PALD1: variants seen among roughly 807,000 people sequenced by gnomAD.
PALD1 encodes phosphatase domain containing paladin 1, also known as paladin.
A neutral mutation model predicts 96.0 loss-of-function variants in PALD1; 57 were observed. The observed-to-expected ratio is 0.59, with a 90% CI of 0.48 to 0.74. The LOEUF is 0.74. Among genes scored for constraint, PALD1 ranks in the 30% least tolerant of loss-of-function variants. PALD1 has a pLI of 0.00. For synonymous variants in PALD1, 464 were observed against 473.6 expected (o/e 0.98, Z 0.26); for missense variants, 1,063 against 1,143.7 (o/e 0.93, Z 1.02).
Position 70,566,830 on chromosome 10 carries a change from C to T in PALD1, c.*97C>T, listed in dbSNP as rs1847866673. 2 of 755,392 alleles carry T rather than the reference C, an allele frequency of 2.6e-6. No individual in the cohort carries two copies. The highest frequency in any genetic ancestry group is 4.2e-6 in the Non-Finnish European group (2 of 479,776). The allele number at this position is 755,392 out of a possible 1,614,324, so 46.8% of individuals were successfully genotyped here. A position where few individuals can be genotyped will look rare whatever the true frequency, so the allele number is the denominator to read the frequency against. On this transcript the variant is annotated 3_prime_UTR_variant, in exon 20 of 20. Transcript: ENST00000263563. ...GGGAGCGGCCCTGAGGGGTGCTGGC[C>T]TTGAAATGATTCCCCCACTTCCTGG... is the stretch of plus-strand genomic sequence containing the variant.
chr10:70,532,121 GT>G (rs1403929603), intron 5 of PALD1, among the ~76,000 whole-genome samples: 7 of 152,182 alleles, frequency 4.6e-5, no homozygotes, highest in Non-Finnish European at 8.8e-5. Flanking sequence ...CTGTGGGCCT[GT>G]TTCAGTATCC....
intron 10 of PALD1, among the ~76,000 whole-genome samples, chr10:70,536,824 T>C (rs547472658): frequency 6.6e-6 from 1 of 152,330 alleles, no homozygotes; most frequent in African/African-American, 2.4e-5. Flanking sequence ...GAATCTCACT[T>C]GAATCTCACT....
At chr10:70,474,215 C>CA (rs1164882609), upstream of PALD1, among the ~76,000 whole-genome samples, 1 of 152,000 alleles carries the variant, frequency 6.6e-6, no homozygotes, top group Non-Finnish European at 1.5e-5. Context: ...AGGTCACGGG[C>CA]AAAATCAGTG....
upstream of PALD1, among the ~76,000 whole-genome samples, chr10:70,477,408 G>C (rs2132245280): frequency 6.6e-6 from 1 of 152,340 alleles, no homozygotes; most frequent in Non-Finnish European, 1.5e-5. Context: ...GAGCCACTTT[G>C]AGCCTAGCTC....
the PALD1 span, among the ~76,000 whole-genome samples, chr10:70,471,643 A>G: frequency 6.6e-6 from 1 of 151,960 alleles, no homozygotes; most frequent in African/African-American, 2.4e-5. Context: ...TCATCATCTC[A>G]CTCAAACTAT....
intron 1 of PALD1, among the ~76,000 whole-genome samples, chr10:70,497,522 C>T (rs959902297): frequency 6.6e-6 from 1 of 152,106 alleles, no homozygotes; most frequent in Admixed American, 6.5e-5. Flanking sequence ...CCATCCTGAG[C>T]TCTGCAGGGC....
chr10:70,483,257 G>A (rs890181417), intron 1 of PALD1, among the ~76,000 whole-genome samples: 1 of 152,144 alleles, frequency 6.6e-6, no homozygotes, highest in Non-Finnish European at 1.5e-5. Flanking sequence ...TGGCAGAGGT[G>A]TGACAGCCCT....
At chr10:70,561,843 C>T (rs776751837) in intron 18 of PALD1, among the ~76,000 whole-genome samples, 1 of 152,230 alleles carries the variant, frequency 6.6e-6, no homozygotes, top group Admixed American at 6.5e-5. Flanking sequence ...CCACTCAAGG[C>T]ACCATTCTGC....
Position 70,525,921 on chromosome 10 carries a change from A to G in PALD1, c.-29-2A>G. ...TTCACTGCACACCCTCTTATCCTAC[A>G]GGTCTGGGGTCCTGAGGCTGCTGGC... On this transcript the variant is annotated splice_acceptor_variant, in intron 1 of 19. Coordinates refer to ENST00000263563, the MANE Select transcript of PALD1 (RefSeq NM_014431.3). LOFTEE classifies it low-confidence loss of function (5UTR_SPLICE). The G allele has an allele frequency of 6.2e-7, 1 of 1,612,516 alleles. No homozygotes were observed. Among genetic ancestry groups the G allele is most frequent in the Non-Finnish European group, 8.5e-7 (1 of 1,179,306 alleles).
At position 70,567,134 on chromosome 10, in the gene PALD1, A is replaced by G; in HGVS notation, c.*401A>G. 1 of 179,972 alleles carries G rather than the reference A, an allele frequency of 5.6e-6. No homozygotes were observed. Among genetic ancestry groups the G allele is most frequent in the Non-Finnish European group, 1.2e-5 (1 of 86,920 alleles). 11.1% of individuals were successfully genotyped at this position (179,972 alleles called of 1,614,324 possible). On this transcript the variant is annotated 3_prime_UTR_variant, in exon 20 of 20. Transcript: ENST00000263563. Reference sequence around the variant, plus strand: ...CCTGGCAGCCCCTGGCACAGAGCAGACCCGGCCACTGGTAGCTCCCCACTT... The same window carrying G: ...CCTGGCAGCCCCTGGCACAGAGCAGGCCCGGCCACTGGTAGCTCCCCACTT...
chr10:70,489,583 C>T (rs1247911940), intron 1 of PALD1, among the ~76,000 whole-genome samples: 1 of 152,120 alleles, frequency 6.6e-6, no homozygotes, highest in Non-Finnish European at 1.5e-5. Context: ...GCAGGGAGCT[C>T]TGCATAGGTG....
intron 1 of PALD1, among the ~76,000 whole-genome samples, chr10:70,519,433 C>G (rs143352790): frequency 1.8e-4 from 28 of 152,226 alleles, no homozygotes; most frequent in Middle Eastern, 3.4e-3. Context: ...ATGGTGTGAC[C>G]AGGCAGCTCT....
intron 1 of PALD1, among the ~76,000 whole-genome samples, chr10:70,514,339 G>A (rs780517910): frequency 2.0e-5 from 3 of 152,208 alleles, no homozygotes; most frequent in East Asian, 1.9e-4. Flanking sequence ...ATTTCCACAC[G>A]TCCTCTAATT....
At chr10:70,558,639 C>G (rs1268272562) in intron 18 of PALD1, among the ~76,000 whole-genome samples, 1 of 151,900 alleles carries the variant, frequency 6.6e-6, no homozygotes, top group Non-Finnish European at 1.5e-5. Context: ...CATGTTGCAA[C>G]TATCTGAGGC....
chr10:70,547,280 T>G, intron 17 of PALD1, 26 bp from the exon 18 acceptor site: 3 of 1,611,636 alleles, frequency 1.9e-6, no homozygotes, highest in African/African-American at 1.3e-5. Context: ...GTTTTATGTC[T>G]GCTCACCCCC....
intron 18 of PALD1, among the ~76,000 whole-genome samples, chr10:70,553,334 A>G (rs1209152816): frequency 2.0e-5 from 3 of 152,150 alleles, no homozygotes; most frequent in Non-Finnish European, 4.4e-5. Context: ...AATGAGGGAA[A>G]GATGTTGGCT....
rs371417394 is a variant in PALD1, at chr10:70,531,476, G to A, written c.633+22G>A. ...AGAGGTGAGGACCAGTGCGGTGTGC[G>A]GGAGACCCCAGCCCACAGCCCAGCT... On this transcript the variant is annotated intron_variant, in intron 5 of 19. Coordinates refer to ENST00000263563, the MANE Select transcript of PALD1 (RefSeq NM_014431.3). The A allele has an allele frequency of 3.1e-5, 50 of 1,598,318 alleles. No homozygotes were observed. In the Middle Eastern group the frequency reaches 5.0e-4, roughly 16 times the overall value.
At chr10:70,521,654 C>T (rs1000301198) in intron 1 of PALD1, among the ~76,000 whole-genome samples, 5 of 151,796 alleles carry the variant, frequency 3.3e-5, no homozygotes, top group African/African-American at 1.2e-4. Flanking sequence ...GCCTCAGCCT[C>T]CCGAGTAGCT....
chr10:70,540,976 A>C lies in PALD1; in HGVS notation c.1909-126A>C. ...CCGGTGAGTTTTGTTTGTGTGTGCAAGCTTGGGAGCCTGACAATTTCTGGC... is the reference window on the plus strand; with the variant it reads ...CCGGTGAGTTTTGTTTGTGTGTGCACGCTTGGGAGCCTGACAATTTCTGGC... On this transcript the variant is annotated intron_variant, in intron 15 of 19. Transcript: ENST00000263563. This position sits in a 1 kb window ranked among gnomAD's most constrained non-coding sequence, Gnocchi z 4.2. 2 of 1,064,616 alleles carry C rather than the reference A, an allele frequency of 1.9e-6. No homozygotes were observed. The highest frequency in any genetic ancestry group is 3.1e-5 in the South Asian group (2 of 64,668). 65.9% of individuals were successfully genotyped at this position (1,064,616 alleles called of 1,614,324 possible). A position where few individuals can be genotyped will look rare whatever the true frequency, so the allele number is the denominator to read the frequency against.
Sources: allele counts gnomAD v4.1 joint callset (sites outside exome capture counted in the v4.1 genomes callset), GRCh38; gene constraint gnomAD v4.1.1; non-coding constraint Gnocchi (gnomAD v3.1); transcripts MANE v1.5; gene names NCBI Gene and HGNC (gene_info 2026-07-23, HGNC 2026-07-21).